The following CSRNP3 variants were observed in gnomAD, a reference collection of about 807,000 sequenced individuals.
The protein encoded by CSRNP3 is cysteine/serine-rich nuclear protein 3.
Under a neutral mutation model 48.0 loss-of-function variants are expected in CSRNP3, and 12 were observed. The observed-to-expected ratio is 0.25, with a 90% CI of 0.16 to 0.41. The LOEUF (loss-of-function observed/expected upper bound fraction) is 0.41. Ranked by LOEUF, CSRNP3 falls within the 10% of genes least tolerant of loss-of-function variation. The probability of loss-of-function intolerance (pLI) is 1.00; values close to 1 mark genes in which losing one functional copy is unlikely to be tolerated. For synonymous variants in CSRNP3, 263 were observed against 269.7 expected, an observed-to-expected ratio of 0.98 and a Z score of 0.24; for missense variants, 580 against 724.4, an observed-to-expected ratio of 0.80 and a Z score of 2.29.
intron 3 of CSRNP3, among the ~76,000 whole-genome samples, chr2:165,520,997 T>A (rs867101205): frequency 6.4e-4 from 96 of 150,864 alleles, no homozygotes; most frequent in African/African-American, 8.7e-4. Flanking sequence ...GTAATTTTTT[T>A]AAAAAATTTT....
intron 3 of CSRNP3, among the ~76,000 whole-genome samples, chr2:165,573,582 AC>A (rs1389226025): frequency 6.6e-6 from 1 of 152,226 alleles, no homozygotes; most frequent in Non-Finnish European, 1.5e-5. Context: ...ACATAGTTTA[AC>A]TTTGCTCTAC....
In CSRNP3 at chr2:165,531,646, G is replaced by T. The variant is rs1684812907; in HGVS notation, c.-24+13685G>T. Reference sequence around the variant, plus strand: ...TGACACCCTAACATCACAATTAAAAGAACTAGAAAAGCAAGAGCAAACACA... The same window carrying T: ...TGACACCCTAACATCACAATTAAAATAACTAGAAAAGCAAGAGCAAACACA... On this transcript the variant is annotated intron_variant, in intron 3 of 6. Coordinates refer to ENST00000651982, the MANE Select transcript of CSRNP3 (RefSeq NM_001172173.2). Among the ~76,000 whole-genome samples the T allele has an allele frequency of 3.9e-5, 6 of 152,068 alleles. 1 individual carries two copies. The highest frequency in any genetic ancestry group is 1.9e-4 in the East Asian group (1 of 5,190).
At chr2:165,570,827 A>T (rs1308418070) in intron 3 of CSRNP3, among the ~76,000 whole-genome samples, 1 of 151,958 alleles carries the variant, frequency 6.6e-6, no homozygotes, top group Non-Finnish European at 1.5e-5. Context: ...TCTAAAACAT[A>T]TATGAATATT....
chr2:165,564,984 A>G (rs1322383036), intron 3 of CSRNP3, among the ~76,000 whole-genome samples: 1 of 152,108 alleles, frequency 6.6e-6, no homozygotes, highest in Non-Finnish European at 1.5e-5. Context: ...CAATGAATAT[A>G]TAGAGACAAC....
rs567752074 is a variant in CSRNP3, at chr2:165,682,902, A to G, written c.*3149A>G. On this transcript the variant is annotated 3_prime_UTR_variant, in exon 7 of 7. Coordinates refer to ENST00000651982, the MANE Select transcript of CSRNP3 (RefSeq NM_001172173.2). ...ATTGCCTCCATAGTATATCTAGCCA[A>G]ACTGTAGTCTTTGACACACAACTTT... is the stretch of plus-strand genomic sequence containing the variant. 1 of 152,292 alleles carries G rather than the reference A, an allele frequency of 6.6e-6. No individual in the cohort carries two copies. Among genetic ancestry groups the G allele is most frequent in the East Asian group, 1.9e-4 (1 of 5,182 alleles). The allele number at this position is 152,292 out of a possible 1,614,324, so 9.4% of individuals were successfully genotyped here.
intron 4 of CSRNP3, among the ~76,000 whole-genome samples, chr2:165,628,809 G>A (rs970111410): frequency 7.9e-5 from 12 of 152,228 alleles, no homozygotes; most frequent in African/African-American, 2.9e-4. Flanking sequence ...GCTCGTGCCT[G>A]TAATCCCAGC....
At chr2:165,613,095 C>G (rs1686167711) in intron 4 of CSRNP3, among the ~76,000 whole-genome samples, 1 of 151,884 alleles carries the variant, frequency 6.6e-6, no homozygotes, top group South Asian at 2.1e-4. Flanking sequence ...ATTTTTTTGT[C>G]TTTTTTATGA....
chr2:165,500,503 G>T lies in CSRNP3; in HGVS notation c.-113+5575G>T, dbSNP rs925277444. Among the ~76,000 whole-genome samples, 3 of 151,342 alleles carry T rather than the reference G, an allele frequency of 2.0e-5. No homozygotes were observed. The South Asian group carries it at 6.2e-4, about 32-fold the overall frequency. On this transcript the variant is annotated intron_variant, in intron 2 of 6. Transcript: ENST00000651982. ...CTCCCTCTGTCATTCAGGCTGGAGT[G>T]CAGTGGCACCATCTTGCATTCTTGG...
At chr2:165,608,962 C>T (rs1267643749) in intron 4 of CSRNP3, among the ~76,000 whole-genome samples, 2 of 137,774 alleles carry the variant, frequency 1.5e-5, no homozygotes, top group African/African-American at 2.7e-5. Flanking sequence ...AAAAAATTAG[C>T]TGGGCATGGT....
chr2:165,580,314 G>C (rs944006963), intron 3 of CSRNP3, among the ~76,000 whole-genome samples: 1 of 152,118 alleles, frequency 6.6e-6, no homozygotes, highest in Non-Finnish European at 1.5e-5. Flanking sequence ...CATTTACTGA[G>C]ACTTGAAAGT....
intron 4 of CSRNP3, among the ~76,000 whole-genome samples, chr2:165,600,844 A>G (rs969382103): frequency 6.6e-6 from 1 of 152,210 alleles, no homozygotes; most frequent in Admixed American, 6.5e-5. Context: ...GTGTTTTATA[A>G]GCACTAACAT....
intron 4 of CSRNP3, among the ~76,000 whole-genome samples, chr2:165,601,007 A>G (rs183435930): frequency 6.6e-6 from 1 of 152,350 alleles, no homozygotes; most frequent in Admixed American, 6.5e-5. Flanking sequence ...TATGGTAATA[A>G]AAGCTTCAAA....
Position 165,575,208 on chromosome 2 carries a change from C to T in CSRNP3, c.-23-19835C>T, listed in dbSNP as rs560116835. Among the ~76,000 whole-genome samples the T allele has an allele frequency of 5.9e-5, 9 of 152,258 alleles. No individual in the cohort carries two copies. In the South Asian group the frequency reaches 1.9e-3, roughly 32 times the overall value. ...ACTTTTGTAAAATGTGTGATTACAT[C>T]ATAGGAAAGTCTGTCCTGCACCAAA... On this transcript the variant is annotated intron_variant, in intron 3 of 6. Coordinates refer to ENST00000651982, the MANE Select transcript of CSRNP3 (RefSeq NM_001172173.2).
intron 4 of CSRNP3, among the ~76,000 whole-genome samples, chr2:165,608,246 T>G (rs1374492884): frequency 6.6e-6 from 1 of 151,960 alleles, no homozygotes; most frequent in Non-Finnish European, 1.5e-5. Context: ...AAAGACAGTT[T>G]AAAAACTAGA....
At chr2:165,642,103 AACACAC>A (rs58624766) in intron 4 of CSRNP3, among the ~76,000 whole-genome samples, 16,703 of 132,022 alleles carry the variant, frequency 0.13, 1,039 homozygotes, top group East Asian at 0.3. Flanking sequence ...CACACACACA[AACACAC>A]ACACACACAC....
intron 3 of CSRNP3, among the ~76,000 whole-genome samples, chr2:165,555,463 A>G (rs992501894): frequency 2.6e-5 from 4 of 152,214 alleles, no homozygotes; most frequent in Non-Finnish European, 5.9e-5. Flanking sequence ...ATGGAATGCG[A>G]GCAATATGAC....
chr2:165,496,982 T>A (rs16850777), intron 2 of CSRNP3, among the ~76,000 whole-genome samples: 2,408 of 152,206 alleles, frequency 0.016, 60 homozygotes, highest in African/African-American at 0.054. Flanking sequence ...ATTATGGCTC[T>A]AGATGCTTTC....
chr2:165,562,840 G>C (rs536423483), intron 3 of CSRNP3, among the ~76,000 whole-genome samples: 7 of 152,212 alleles, frequency 4.6e-5, no homozygotes, highest in Admixed American at 1.3e-4. Context: ...TTATAGTAGA[G>C]TAATAAAGAG....
intron 3 of CSRNP3, among the ~76,000 whole-genome samples, chr2:165,549,298 T>C (rs1685069280): frequency 6.6e-6 from 1 of 152,114 alleles, no homozygotes; most frequent in Admixed American, 6.6e-5. Context: ...TATGAAAATA[T>C]AAATGCTTTT....
Sources: allele counts gnomAD v4.1 joint callset (sites outside exome capture counted in the v4.1 genomes callset), GRCh38; gene constraint gnomAD v4.1.1; transcripts MANE v1.5; gene names NCBI Gene and HGNC (gene_info 2026-07-23, HGNC 2026-07-21).